MAP7D2: variants seen among roughly 807,000 people sequenced by gnomAD.
The protein encoded by MAP7D2 is MAP7 domain containing 2, also known as MAP7 domain-containing protein 2.
MAP7D2 carries 33 observed loss-of-function variants against 63.5 expected under a neutral mutation model. That is an observed-to-expected ratio of 0.52 (90% CI 0.39 to 0.70). The LOEUF (loss-of-function observed/expected upper bound fraction) is 0.70. MAP7D2 is among the 30% of genes least tolerant of loss of function. MAP7D2 has a pLI of 0.00. For synonymous variants in MAP7D2, 224 were observed against 223.7 expected, an observed-to-expected ratio of 1.00 and a Z score of -0.01; for missense variants, 626 against 604.0, an observed-to-expected ratio of 1.04 and a Z score of -0.38.
rs1245504284 is a variant in MAP7D2 at position 20,052,972 on chromosome X, T to C, written c.501A>G (p.Ser167=). 8.3e-7 allele frequency: 1 copy of C among 1,205,249 alleles called. No individual in the cohort carries two copies. The highest frequency in any genetic ancestry group is 2.2e-5 in the Admixed American group (1 of 46,069). ...PGGHDACDKL[S]TSTMSLPKPT... is the part of the protein sequence containing the mutation. The stretch of plus-strand genomic sequence containing the variant: ...GCTTTGGCAAACTCATAGTTGATGT[T>C]GAAAGTTTGTCACATGCTGCAGAGA... The change falls in exon 5 of 17, where the codon TCA becomes TCG. Residue 167 remains serine (S), a synonymous_variant. Transcript: ENST00000379643.
chrX:20,040,884 C>T (rs773146914), intron 8 of MAP7D2, among the ~76,000 whole-genome samples: 4 of 111,100 alleles, frequency 3.6e-5, no homozygotes, highest in African/African-American at 1.3e-4. Context: ...AAAATGGCAT[C>T]GACAGACATG....
intron 8 of MAP7D2, 90 bp from the exon 9 acceptor site, chrX:20,026,042 C>G: frequency 1.0e-6 from 1 of 994,594 alleles, no homozygotes; most frequent in Non-Finnish European, 1.4e-6. Flanking sequence ...ACAAGCTGAA[C>G]AATTTCATCC....
chrX:20,024,816 G>A, intron 10 of MAP7D2, 135 bp downstream of exon 10: 2 of 638,374 alleles, frequency 3.1e-6, no homozygotes, highest in Non-Finnish European at 4.8e-6. Context: ...CACCTTCCAT[G>A]TAGTTCAGAC....
At chrX:20,091,790 A>G (rs1210759128) in intron 1 of MAP7D2, among the ~76,000 whole-genome samples, 1 of 111,970 alleles carries the variant, frequency 8.9e-6, no homozygotes, top group Non-Finnish European at 1.9e-5. Flanking sequence ...CATGGAACAA[A>G]CACTGATGTC....
chrX:20,013,668 T>C (rs190476333), intron 12 of MAP7D2, 43 bp from the exon 13 acceptor site: 71 of 973,446 alleles, frequency 7.3e-5, no homozygotes, highest in Middle Eastern at 6.2e-4. Flanking sequence ...AAGAGGACAA[T>C]AAGACCAAAA....
At chrX:20,043,644 C>T (rs2064719714) in intron 7 of MAP7D2, among the ~76,000 whole-genome samples, 2 of 112,430 alleles carry the variant, frequency 1.8e-5, no homozygotes, top group Admixed American at 9.4e-5. Context: ...CACTAAGTCA[C>T]TCTGAATTTC....
intron 8 of MAP7D2, among the ~76,000 whole-genome samples, chrX:20,039,043 G>C (rs1206805430): frequency 1.8e-5 from 2 of 112,459 alleles, no homozygotes; most frequent in Admixed American, 9.4e-5. Context: ...ACAACGACCT[G>C]CTGAGGTGTT....
intron 1 of MAP7D2, among the ~76,000 whole-genome samples, chrX:20,102,123 G>C (rs913309866): frequency 1.8e-5 from 2 of 111,889 alleles, no homozygotes; most frequent in Non-Finnish European, 3.8e-5. Context: ...ATCTGGGTGT[G>C]GGTTACATGG....
chrX:20,050,923 T>A lies in MAP7D2; in HGVS notation c.619A>T (p.Met207Leu). Residue 207 changes from methionine (M) to leucine (L), a missense_variant, in exon 6 of 17, where the codon ATG (methionine) becomes TTG (leucine). Transcript: ENST00000379643. Reference sequence around the variant, plus strand: ...AGTCGCGAAACAAGAATGGCTTCCATTGGACTAAGGTGCATGTGATGAGCT... The same window carrying A: ...AGTCGCGAAACAAGAATGGCTTCCAATGGACTAAGGTGCATGTGATGAGCT... ...DRAHHMHLSP[M>L]EAILVSRLLT... is the part of the protein sequence containing the mutation. The A allele has an allele frequency of 8.6e-7, 1 of 1,167,994 alleles. No homozygotes were observed. Among genetic ancestry groups the A allele is most frequent in the Non-Finnish European group, 1.1e-6 (1 of 873,681 alleles).
chrX:20,109,222 T>C (rs1377983690), intron 1 of MAP7D2, among the ~76,000 whole-genome samples: 1 of 109,160 alleles, frequency 9.2e-6, no homozygotes, highest in Non-Finnish European at 1.9e-5. Context: ...CACGGGGGGT[T>C]AAAAATTCTC....
chrX:20,062,923 C>T (rs1188451826), intron 3 of MAP7D2, among the ~76,000 whole-genome samples: 2 of 111,471 alleles, frequency 1.8e-5, no homozygotes, highest in African/African-American at 6.5e-5. Flanking sequence ...TGTTCTCAAC[C>T]TCACAAGCTC....
At chrX:20,100,614 T>TG (rs997000190) in intron 1 of MAP7D2, among the ~76,000 whole-genome samples, 7 of 34,968 alleles carry the variant, frequency 2.0e-4, no homozygotes, top group African/African-American at 8.0e-4. Context: ...GAAGTAGAGC[T>TG]GGGGGGGAGG....
chrX:20,077,361 G>A (rs184784026), intron 1 of MAP7D2, among the ~76,000 whole-genome samples: 36 of 111,452 alleles, frequency 3.2e-4, no homozygotes, highest in Non-Finnish European at 5.3e-4. Context: ...GCTGAGGCAC[G>A]AGAATTGCTT....
At chrX:20,061,818 T>C (rs1262275281) in intron 3 of MAP7D2, among the ~76,000 whole-genome samples, 1 of 112,502 alleles carries the variant, frequency 8.9e-6, no homozygotes, top group African/African-American at 3.2e-5. Flanking sequence ...TGTCAGAGCA[T>C]GGGAAGTGTC....
intron 1 of MAP7D2, among the ~76,000 whole-genome samples, chrX:20,112,518 A>T (rs187155204): frequency 9.0e-6 from 1 of 111,626 alleles, no homozygotes; most frequent in Non-Finnish European, 1.9e-5. Flanking sequence ...CCCAAGGCCT[A>T]GTCAGACCCA....
At chrX:20,017,619 A>G (rs923466485) in intron 10 of MAP7D2, among the ~76,000 whole-genome samples, 1 of 112,613 alleles carries the variant, frequency 8.9e-6, no homozygotes, top group Non-Finnish European at 1.9e-5. Flanking sequence ...TGATAACACT[A>G]AATTAGGTCA....
At chrX:20,048,913 C>A (rs1444589564) in intron 6 of MAP7D2, among the ~76,000 whole-genome samples, 1 of 109,779 alleles carries the variant, frequency 9.1e-6, no homozygotes, top group African/African-American at 3.3e-5. Context: ...AAGAGCAAGA[C>A]CCTGTCTTTA....
chrX:20,067,381 A>G (rs956823881), intron 1 of MAP7D2, among the ~76,000 whole-genome samples: 2 of 112,101 alleles, frequency 1.8e-5, no homozygotes, highest in Non-Finnish European at 3.8e-5. Context: ...ATGGACACAC[A>G]TGAGAGTCAC....
At chrX:20,053,262 A>C (rs1164481122) in intron 4 of MAP7D2, among the ~76,000 whole-genome samples, 1 of 112,312 alleles carries the variant, frequency 8.9e-6, no homozygotes, top group East Asian at 2.8e-4. Context: ...TGTTCAACTG[A>C]AGCCGTGTTA....
Sources: allele counts gnomAD v4.1 joint callset (sites outside exome capture counted in the v4.1 genomes callset), GRCh38; gene constraint gnomAD v4.1.1; transcripts MANE v1.5; gene names NCBI Gene and HGNC (gene_info 2026-07-23, HGNC 2026-07-21).